FNIP2: variants seen among roughly 807,000 people sequenced by gnomAD.
FNIP2 encodes folliculin interacting protein 2, also known as folliculin-interacting protein 2.
FNIP2 carries 32 observed loss-of-function variants against 108.7 expected under a neutral mutation model. The ratio of observed to expected loss-of-function variants is 0.29; its 90% CI spans 0.22 to 0.40. The LOEUF is 0.40. Ranked by LOEUF, FNIP2 falls within the 10% of genes least tolerant of loss-of-function variation. The probability of loss-of-function intolerance (pLI) is 1.00; values close to 1 mark genes in which losing one functional copy is unlikely to be tolerated. For missense variants in FNIP2, 1,202 were observed against 1,381.6 expected, an observed-to-expected ratio of 0.87 and a Z score of 2.06; for synonymous variants, 480 against 496.7, an observed-to-expected ratio of 0.97 and a Z score of 0.45.
At chr4:158,899,750 T>C (rs576905322) in intron 16 of FNIP2, among the ~76,000 whole-genome samples, 3 of 152,336 alleles carry the variant, frequency 2.0e-5, no homozygotes, top group Admixed American at 6.5e-5. Flanking sequence ...CTTTCTTCTT[T>C]ATTAGTCTGG....
At chr4:158,799,148 G>A (rs1374519305) in intron 1 of FNIP2, among the ~76,000 whole-genome samples, 1 of 152,238 alleles carries the variant, frequency 6.6e-6, no homozygotes, top group Non-Finnish European at 1.5e-5. Context: ...TTTTGGGCAT[G>A]TGAGCTGCTG....
intron 1 of FNIP2, among the ~76,000 whole-genome samples, chr4:158,785,830 C>T (rs1245652873): frequency 1.3e-5 from 2 of 151,586 alleles, no homozygotes; most frequent in East Asian, 3.9e-4. Flanking sequence ...ATTAAAAATA[C>T]ACTGTTTTAC....
At chr4:158,823,704 T>C (rs1297588416) in intron 1 of FNIP2, among the ~76,000 whole-genome samples, 1 of 152,224 alleles carries the variant, frequency 6.6e-6, no homozygotes, top group East Asian at 1.9e-4. Context: ...ACGCAGACTT[T>C]TGCTGACTTC....
intron 3 of FNIP2, among the ~76,000 whole-genome samples, chr4:158,831,174 A>T (rs1001529913): frequency 6.6e-6 from 1 of 152,190 alleles, no homozygotes; most frequent in African/African-American, 2.4e-5. Flanking sequence ...GGATTTGACC[A>T]AGAGGGAGGA....
chr4:158,889,728 G>A, intron 14 of FNIP2: 2 of 712,396 alleles, frequency 2.8e-6, no homozygotes, highest in Non-Finnish European at 3.4e-6. Flanking sequence ...TGACCAGCAT[G>A]TTGTGGATTT....
intron 2 of FNIP2, among the ~76,000 whole-genome samples, chr4:158,828,412 A>G (rs1778275285): frequency 6.6e-6 from 1 of 152,160 alleles, no homozygotes; most frequent in Admixed American, 6.5e-5. Context: ...TCAAGAGATC[A>G]AGACCATCTT....
chr4:158,862,905 A>G (rs1406750467), intron 12 of FNIP2, among the ~76,000 whole-genome samples: 1 of 152,262 alleles, frequency 6.6e-6, no homozygotes. Flanking sequence ...TTTTAAAACA[A>G]TGCTAATTAA....
At chr4:158,856,023 T>C (rs1171738742) in intron 8 of FNIP2, among the ~76,000 whole-genome samples, 1 of 152,208 alleles carries the variant, frequency 6.6e-6, no homozygotes, top group Non-Finnish European at 1.5e-5. Context: ...TCACAATTCT[T>C]AACAGTTGGC....
chr4:158,882,803 C>G (rs1781758310), intron 14 of FNIP2, among the ~76,000 whole-genome samples: 1 of 152,126 alleles, frequency 6.6e-6, no homozygotes, highest in Non-Finnish European at 1.5e-5. Context: ...AGGCAGCATG[C>G]TCCTTAAGAG....
chr4:158,780,254 G>A (rs1402316960), intron 1 of FNIP2, among the ~76,000 whole-genome samples: 1 of 151,426 alleles, frequency 6.6e-6, no homozygotes, highest in Non-Finnish European at 1.5e-5. Flanking sequence ...AATACAAATA[G>A]CCACTTATTT....
chr4:158,785,148 C>T (rs1437392342), intron 1 of FNIP2, among the ~76,000 whole-genome samples: 1 of 138,656 alleles, frequency 7.2e-6, no homozygotes, highest in East Asian at 2.0e-4. Context: ...TGCAGTGGCA[C>T]GATCTCAGTT....
chr4:158,860,633 C>T (rs1012812938), intron 10 of FNIP2, among the ~76,000 whole-genome samples: 4 of 148,898 alleles, frequency 2.7e-5, no homozygotes, highest in Admixed American at 1.3e-4. Flanking sequence ...CACTGGCTTG[C>T]GCTTGAGAAT....
intron 8 of FNIP2, among the ~76,000 whole-genome samples, chr4:158,855,095 G>A (rs186337866): frequency 6.6e-6 from 1 of 152,230 alleles, no homozygotes; most frequent in East Asian, 1.9e-4. Context: ...AATAAGGTCA[G>A]AAAAGCAAGG....
At chr4:158,770,948 C>T (rs550584660) in intron 1 of FNIP2, among the ~76,000 whole-genome samples, 2 of 152,230 alleles carry the variant, frequency 1.3e-5, no homozygotes, top group East Asian at 1.9e-4. Flanking sequence ...CCACCATTTC[C>T]GCTATCCACA....
At chr4:158,785,805 T>A (rs888731562) in intron 1 of FNIP2, among the ~76,000 whole-genome samples, 1 of 152,052 alleles carries the variant, frequency 6.6e-6, no homozygotes, top group Non-Finnish European at 1.5e-5. Context: ...TGCCAAGAAA[T>A]GTATGGGGTA....
chr4:158,854,656 G>A (rs1779885617), intron 8 of FNIP2, among the ~76,000 whole-genome samples: 1 of 152,234 alleles, frequency 6.6e-6, no homozygotes, highest in African/African-American at 2.4e-5. Context: ...CATGAAGATT[G>A]AGGGACCCAA....
intron 1 of FNIP2, among the ~76,000 whole-genome samples, chr4:158,784,890 T>C (rs553135969): frequency 6.6e-6 from 1 of 152,320 alleles, no homozygotes; most frequent in East Asian, 1.9e-4. Flanking sequence ...CTAGCTGTTT[T>C]TTATTTATCC....
intron 3 of FNIP2, among the ~76,000 whole-genome samples, chr4:158,830,575 C>T (rs1000349150): frequency 1.3e-5 from 2 of 152,090 alleles, no homozygotes; most frequent in African/African-American, 4.8e-5. Flanking sequence ...ATTTATCTTT[C>T]TCTTTCCGCC....
rs201676571 is a variant in FNIP2 at position 158,861,468 on chromosome 4, A to G, written c.1275A>G (p.Ile425Met). The change falls in exon 11 of 17, where the codon ATA becomes ATG. Residue 425 changes from isoleucine to methionine, a missense_variant. Ile to Met is a conservative substitution (Grantham distance 10, BLOSUM62 1). Transcript: ENST00000264433. ...QRFLKEFTLLIEQINKNQFFA... is the reference protein window; with the variant it reads ...QRFLKEFTLLMEQINKNQFFA... ...TTCTCAAGGAGTTTACACTTCTGAT[A>G]GAACAGATAAATAAAAACCAGTAAG... 1.2e-4 allele frequency: 189 copies of G among 1,613,902 alleles called. No homozygotes were observed. Among genetic ancestry groups the G allele is most frequent in the Non-Finnish European group, 1.6e-4 (184 of 1,179,910 alleles).
Sources: gnomAD v4.1 joint callset for allele counts (sites outside exome capture counted in the v4.1 genomes callset) on GRCh38, gnomAD v4.1.1 for gene constraint, MANE v1.5 for transcripts, NCBI Gene and HGNC (gene_info 2026-07-23, HGNC 2026-07-21) for gene names.